Variants in PLA2G7 observed in about 807,000 individuals in gnomAD.
PLA2G7 encodes phospholipase A2 group VII, also known as platelet-activating factor acetylhydrolase.
Under a neutral mutation model 49.6 loss-of-function variants are expected in PLA2G7, and 63 were observed. The observed-to-expected ratio is 1.27, with a 90% CI of 1.04 to 1.57. The LOEUF is 1.57. PLA2G7 is among the 40% of genes most tolerant of loss of function. The pLI is 0.00. For missense variants in PLA2G7, 596 were observed against 521.2 expected, an observed-to-expected ratio of 1.14 and a Z score of -1.40; for synonymous variants, 193 against 169.9, an observed-to-expected ratio of 1.14 and a Z score of -1.06.
intron 1 of PLA2G7, among the ~76,000 whole-genome samples, chr6:46,727,539 C>G (rs565096145): frequency 6.6e-6 from 1 of 152,246 alleles, no homozygotes; most frequent in South Asian, 2.1e-4. Context: ...CACTCCCACC[C>G]AAATGTCCAT....
In PLA2G7 at chr6:46,704,478, T is replaced by TCTCA. The variant is rs1441279240; in HGVS notation, c.*81_*82insTGAG. 0.024 allele frequency: 2,064 copies of TCTCA among 85,948 alleles called. 5 individuals carry two copies. The highest frequency in any genetic ancestry group is 0.043 in the Admixed American group (354 of 8,310). 5.3% of individuals were successfully genotyped at this position (85,948 alleles called of 1,614,324 possible). ...CTCTCTCTCTCTCTCTCTCTCTCTC[T>TCTCA]CACACACACACACACACACACACAC... is the stretch of plus-strand genomic sequence containing the variant. On this transcript the variant is annotated 3_prime_UTR_variant, in exon 12 of 12. Transcript: ENST00000274793.
At position 46,715,196 on chromosome 6, in the gene PLA2G7, C is replaced by A. The variant is rs561593765; in HGVS notation, c.377-643G>T. ...AATTTTAAAGGGAATGTTCTGAAAC[C>A]AAACTACCCATAAAACCTTGGATAC... On this transcript the variant is annotated intron_variant, in intron 4 of 11. Transcript: ENST00000274793. 6.8e-4 allele frequency among the ~76,000 whole-genome samples: 104 copies of A among 152,224 alleles called. No homozygotes were observed. The South Asian group carries it at 0.021, about 30-fold the overall frequency.
rs1554184967 is a variant in PLA2G7, at chr6:46,735,264, C to CCCGACTGCTTCTCG, written c.-133_-120dup. The CCCGACTGCTTCTCG allele has an allele frequency of 2.6e-5, 4 of 152,318 alleles. No homozygotes were observed. The highest frequency in any genetic ancestry group is 2.9e-5 in the Non-Finnish European group (2 of 68,118). 9.4% of individuals were successfully genotyped at this position (152,318 alleles called of 1,614,324 possible). On this transcript the variant is annotated 5_prime_UTR_variant, in exon 1 of 12. Transcript: ENST00000274793. Reference sequence around the variant, plus strand: ...ACCAACGCGACCCAAGCGCTCCAAACCCGACTGCTTCTCGCCGACAGCACT... The same window carrying CCCGACTGCTTCTCG: ...ACCAACGCGACCCAAGCGCTCCAAACCCGACTGCTTCTCGCCGACTGCTTCTCGCCGACAGCACT...
chr6:46,719,614 T>C (rs1247056829), intron 2 of PLA2G7, among the ~76,000 whole-genome samples: 1 of 152,188 alleles, frequency 6.6e-6, no homozygotes, highest in East Asian at 1.9e-4. Context: ...GACATGGTTC[T>C]ATTTCAGATT....
chr6:46,731,858 A>G (rs144611377), intron 1 of PLA2G7, among the ~76,000 whole-genome samples: 10 of 152,232 alleles, frequency 6.6e-5, no homozygotes, highest in African/African-American at 2.4e-4. Flanking sequence ...ACAGAGAAAC[A>G]TTAACTTCCC....
chr6:46,720,027 G>A (rs1265388840), intron 2 of PLA2G7, among the ~76,000 whole-genome samples: 1 of 152,218 alleles, frequency 6.6e-6, no homozygotes, highest in Non-Finnish European at 1.5e-5. Context: ...TGGTGTAACA[G>A]GGAGATGTGA....
At position 46,714,431 on chromosome 6, in the gene PLA2G7, C is replaced by A. The variant is rs774566801; in HGVS notation, c.470+29G>T. ...AAAAATTGTCATTTATTCCTGGAAG[C>A]CAAAATTGTTCAACCTCTCAAACAT... On this transcript the variant is annotated intron_variant, in intron 5 of 11. Coordinates refer to ENST00000274793, the MANE Select transcript of PLA2G7 (RefSeq NM_005084.4). 4.3e-6 allele frequency: 6 copies of A among 1,380,056 alleles called. No homozygotes were observed. In the South Asian group the frequency reaches 7.0e-5, roughly 16 times the overall value. 85.5% of individuals were successfully genotyped at this position (1,380,056 alleles called of 1,614,324 possible).
intron 1 of PLA2G7, among the ~76,000 whole-genome samples, chr6:46,724,467 G>A (rs997684159): frequency 3.9e-5 from 6 of 152,192 alleles, no homozygotes; most frequent in African/African-American, 1.4e-4. Flanking sequence ...TGAAGCACTC[G>A]TTAGTATAGC....
chr6:46,728,957 C>G lies in PLA2G7; in HGVS notation c.-34-6032G>C, dbSNP rs191414050. On this transcript the variant is annotated intron_variant, in intron 1 of 11. Transcript: ENST00000274793. ...TTGGTGACTTCAGTTAAGTTCTTAC[C>G]TACTTTCTGCTTTTCTCTCCTCATC... is the stretch of plus-strand genomic sequence containing the variant. 3.7e-3 allele frequency among the ~76,000 whole-genome samples: 564 copies of G among 152,240 alleles called. 3 individuals carry two copies. Among genetic ancestry groups the G allele is most frequent in the African/African-American group, 0.013 (535 of 41,514 alleles).
In PLA2G7 at chr6:46,705,263, G is replaced by A. The variant is rs1277478249; in HGVS notation, c.1079C>T (p.Ala360Val). The change falls in exon 11 of 12, where the codon GCA becomes GTA. Residue 360 changes from alanine to valine, a missense_variant. Physicochemically the swap from Ala to Val is moderately conservative, Grantham distance 64. Coordinates refer to ENST00000274793, the MANE Select transcript of PLA2G7 (RefSeq NM_005084.4). ...VHQNFADFTF[A>V]TGKIIGHMLK... The stretch of plus-strand genomic sequence containing the variant: ...CATGTGTCCAATTATTTTGCCAGTT[G>A]CAAAAGTGAAGTCAGCAAAATTCTG... The A allele has an allele frequency of 6.2e-7, 1 of 1,611,718 alleles. No individual in the cohort carries two copies. Among genetic ancestry groups the A allele is most frequent in the South Asian group, 1.1e-5 (1 of 91,024 alleles).
At chr6:46,716,323 GT>G in intron 4 of PLA2G7, 60 bp downstream of exon 4, 1 of 1,559,314 alleles carries the variant, frequency 6.4e-7, no homozygotes, top group African/African-American at 1.4e-5. Flanking sequence ...TGAAGTTCTT[GT>G]TGTTTTCAAG....
Position 46,710,588 on chromosome 6 carries a change from A to T in PLA2G7, c.734T>A (p.Val245Glu). 1 of 1,613,466 alleles carries T rather than the reference A, an allele frequency of 6.2e-7. No individual in the cohort carries two copies. Among genetic ancestry groups the T allele is most frequent in the East Asian group, 2.2e-5 (1 of 44,864 alleles). ...AAACTTTAAATCTAATGCATTCTTCACTGGCTTTCCATGATCAATGTCAAG... is the reference window on the plus strand; with the variant it reads ...AAACTTTAAATCTAATGCATTCTTCTCTGGCTTTCCATGATCAATGTCAAG... ...LILDIDHGKP[V>E]KNALDLKFDM... is the part of the protein sequence containing the mutation. The change falls in exon 8 of 12, where the codon GTG becomes GAG. Residue 245 changes from valine (V) to glutamate (E), a missense_variant. Coordinates refer to ENST00000274793, the MANE Select transcript of PLA2G7 (RefSeq NM_005084.4).
Position 46,716,375 on chromosome 6 carries a change from A to AGT in PLA2G7, c.376+8_376+9insAC. 1.2e-6 allele frequency: 2 copies of AGT among 1,614,016 alleles called. No homozygotes were observed. Among genetic ancestry groups the AGT allele is most frequent in the Non-Finnish European group, 1.7e-6 (2 of 1,179,892 alleles). ...AGAGCCTACAAAGAAGGATCAACAG[A>AGT]AATCTTACCAAAGAGTAACCTCAAA... On this transcript the variant is annotated intron_variant, in intron 4 of 11. Transcript: ENST00000274793.
intron 1 of PLA2G7, among the ~76,000 whole-genome samples, chr6:46,728,718 T>A (rs1263727185): frequency 6.6e-6 from 1 of 152,252 alleles, no homozygotes; most frequent in African/African-American, 2.4e-5. Flanking sequence ...ACTCTCAGAC[T>A]CAGTCCCCCA....
chr6:46,704,303 A>AT lies in PLA2G7; in HGVS notation c.*256dup. On this transcript the variant is annotated 3_prime_UTR_variant, in exon 12 of 12. Transcript: ENST00000274793. The stretch of plus-strand genomic sequence containing the variant: ...AAAAGGAATCATCTTTAAAATTAAA[A>AT]TTTAGGCTGATATGAATATTGTATA... The AT allele has an allele frequency of 2.6e-6, 1 of 378,966 alleles. No individual in the cohort carries two copies. Among genetic ancestry groups the AT allele is most frequent in the Non-Finnish European group, 4.8e-6 (1 of 207,400 alleles). 23.5% of individuals were successfully genotyped at this position (378,966 alleles called of 1,614,324 possible). A position where few individuals can be genotyped will look rare whatever the true frequency, so the allele number is the denominator to read the frequency against.
intron 1 of PLA2G7, among the ~76,000 whole-genome samples, chr6:46,723,160 A>G (rs1765456055): frequency 6.6e-6 from 1 of 152,220 alleles, no homozygotes; most frequent in Non-Finnish European, 1.5e-5. Context: ...TAATACTTTC[A>G]GACAGTTAGA....
In PLA2G7 at chr6:46,716,401, A is replaced by G. The variant is rs758789308; in HGVS notation, c.359T>C (p.Ile120Thr). ...AATCTTACCAAAGAGTAACCTCAAA[A>G]TGTTGCCCATAAGCCAGTGTGTTCC... ...FLGTHWLMGN[I>T]LRLLFGSMTT... Residue 120 changes from isoleucine (I) to threonine (T), a missense_variant, in exon 4 of 12, where the codon ATT becomes ACT. Physicochemically the swap from Ile to Thr is moderately conservative, Grantham distance 89. Transcript: ENST00000274793. 1.2e-6 allele frequency: 2 copies of G among 1,614,006 alleles called. No individual in the cohort carries two copies. Among genetic ancestry groups the G allele is most frequent in the Non-Finnish European group, 1.7e-6 (2 of 1,179,980 alleles).
At chr6:46,727,950 C>T (rs1292828506) in intron 1 of PLA2G7, among the ~76,000 whole-genome samples, 2 of 152,128 alleles carry the variant, frequency 1.3e-5, no homozygotes, top group Non-Finnish European at 2.9e-5. Flanking sequence ...ACTTTCAGAA[C>T]CATGAGATAA....
chr6:46,711,008 C>T (rs1765002425), intron 7 of PLA2G7, among the ~76,000 whole-genome samples: 1 of 152,174 alleles, frequency 6.6e-6, no homozygotes, highest in Non-Finnish European at 1.5e-5. Context: ...AGCCAATATG[C>T]TTCACTTAAC....
Sources: allele counts gnomAD v4.1 joint callset (sites outside exome capture counted in the v4.1 genomes callset), GRCh38; gene constraint gnomAD v4.1.1; transcripts MANE v1.5; gene names NCBI Gene and HGNC (gene_info 2026-07-23, HGNC 2026-07-21).